The following ZNF536 variants were observed in gnomAD, a reference collection of about 807,000 sequenced individuals.
ZNF536 encodes zinc finger protein 536.
In ZNF536, 13 loss-of-function variants were observed where a neutral mutation model predicts 84.5. The observed-to-expected ratio is 0.15, with a 90% CI of 0.10 to 0.24. The LOEUF is 0.24. ZNF536 is among the 10% of genes least tolerant of loss of function. ZNF536 has a pLI of 1.00. For missense variants in ZNF536, 1,536 were observed against 1,747.5 expected (o/e 0.88, Z 2.16); for synonymous variants, 811 against 742.5 (o/e 1.09, Z -1.50).
chr19:30,445,420 C>T lies in ZNF536; in HGVS notation c.1858C>T (p.Leu620=), dbSNP rs2148223889. 4.3e-6 allele frequency: 7 copies of T among 1,614,172 alleles called. No homozygotes were observed. The highest frequency in any genetic ancestry group is 1.1e-5 in the South Asian group (1 of 91,084). Residue 620 remains leucine (L), a synonymous_variant, in exon 2 of 5, where the codon CTG becomes TTG. Transcript: ENST00000355537. This position sits in a 1 kb window ranked among gnomAD's most constrained non-coding sequence, Gnocchi z 4.5. ...GCTGAACCAGACTCTCGAGTATAAC[C>T]TGCAGGGTCCTGGGAACATGAAGGA... ...HGLNQTLEYN[L]QGPGNMKEKP...
intron 1 of ZNF536, among the ~76,000 whole-genome samples, chr19:30,652,394 G>T (rs552724085): frequency 1.8e-4 from 28 of 152,244 alleles, no homozygotes; most frequent in Admixed American, 1.0e-3. Context: ...AAATCTAATT[G>T]TATTTATGCT....
intron 1 of ZNF536, among the ~76,000 whole-genome samples, chr19:30,649,018 G>A (rs989996122): frequency 6.6e-6 from 1 of 152,122 alleles, no homozygotes; most frequent in African/African-American, 2.4e-5. Context: ...TCACTTCAGG[G>A]CGATGGGGTA....
At chr19:30,486,170 T>C (rs191190220) in intron 2 of ZNF536, among the ~76,000 whole-genome samples, 1 of 152,226 alleles carries the variant, frequency 6.6e-6, no homozygotes, top group Non-Finnish European at 1.5e-5. Context: ...ACATGTGCCA[T>C]GGTGCTTTGC....
intron 1 of ZNF536, among the ~76,000 whole-genome samples, chr19:30,386,498 C>T (rs143833543): frequency 6.6e-6 from 1 of 152,310 alleles, no homozygotes; most frequent in African/African-American, 2.4e-5. Context: ...CTACCTCAGC[C>T]TCTCAAGTAG....
intron 2 of ZNF536, among the ~76,000 whole-genome samples, chr19:30,458,376 G>T (rs1297738478): frequency 6.6e-6 from 1 of 151,238 alleles, no homozygotes; most frequent in Non-Finnish European, 1.5e-5. Context: ...GATTTTAAAG[G>T]GTCTTACCTG....
At chr19:30,576,428 G>T (rs73028815) in intron 1 of ZNF536, among the ~76,000 whole-genome samples, 32,477 of 152,122 alleles carry the variant, frequency 0.21, 4,299 homozygotes, top group Non-Finnish European at 0.29. Context: ...CCCCACCCCT[G>T]TCCTTGACAT....
At chr19:30,443,288 CATT>C (rs1439604815) in intron 1 of ZNF536, among the ~76,000 whole-genome samples, 2 of 152,146 alleles carry the variant, frequency 1.3e-5, no homozygotes, top group African/African-American at 4.8e-5. Flanking sequence ...AGTGGTAAAA[CATT>C]AATAATTTAA....
intron 1 of ZNF536, among the ~76,000 whole-genome samples, chr19:30,579,898 T>C (rs909802572): frequency 1.3e-5 from 2 of 152,266 alleles, no homozygotes; most frequent in African/African-American, 4.8e-5. Flanking sequence ...GAACCCATTC[T>C]TCCCACAAGG....
chr19:30,704,386 C>A (rs191257100), intron 1 of ZNF536, among the ~76,000 whole-genome samples: 64 of 152,234 alleles, frequency 4.2e-4, no homozygotes, highest in Non-Finnish European at 7.9e-4. Context: ...GTGGTTCACG[C>A]CAGTAATCCC....
chr19:30,376,035 C>T (rs8104408), intron 1 of ZNF536, among the ~76,000 whole-genome samples: 70,460 of 151,976 alleles, frequency 0.46, 18,754 homozygotes, highest in African/African-American at 0.73. Context: ...TGAGTGTGCG[C>T]GGGTGCCCAC....
intron 2 of ZNF536, among the ~76,000 whole-genome samples, chr19:30,315,940 C>T (rs2046663588): frequency 6.6e-6 from 1 of 152,126 alleles, no homozygotes; most frequent in African/African-American, 2.4e-5. Flanking sequence ...TAGATCAAAA[C>T]ATCAGATACA....
chr19:30,329,837 G>A (rs2047152573), intron 2 of ZNF536, among the ~76,000 whole-genome samples: 1 of 152,104 alleles, frequency 6.6e-6, no homozygotes, highest in South Asian at 2.1e-4. Flanking sequence ...GTCTACACTT[G>A]GTGGGGGGAT....
chr19:30,706,162 A>G (rs1183391009), intron 1 of ZNF536, among the ~76,000 whole-genome samples: 1 of 152,204 alleles, frequency 6.6e-6, no homozygotes, highest in Non-Finnish European at 1.5e-5. Context: ...ACGTGAAATT[A>G]TTACTCAGTA....
intron 1 of ZNF536, among the ~76,000 whole-genome samples, chr19:30,649,735 C>T (rs1312877103): frequency 2.0e-5 from 3 of 152,026 alleles, no homozygotes; most frequent in Admixed American, 6.5e-5. Flanking sequence ...ATCCTAACCC[C>T]TAGGACCTAG....
intron 1 of ZNF536, among the ~76,000 whole-genome samples, chr19:30,704,973 C>T (rs1376520209): frequency 1.3e-5 from 2 of 151,054 alleles, no homozygotes; most frequent in African/African-American, 2.4e-5. Flanking sequence ...TGACCCAAAG[C>T]CAACAGATCC....
At chr19:30,573,436 T>TGTAC (rs539887423) in intron 1 of ZNF536, among the ~76,000 whole-genome samples, 9 of 152,184 alleles carry the variant, frequency 5.9e-5, no homozygotes, top group Non-Finnish European at 8.8e-5. Context: ...GCTGACCAGT[T>TGTAC]GTACGGTAGG....
At chr19:30,441,341 G>A (rs1271138227) in intron 1 of ZNF536, among the ~76,000 whole-genome samples, 1 of 152,246 alleles carries the variant, frequency 6.6e-6, no homozygotes, top group African/African-American at 2.4e-5. Flanking sequence ...CTCAGAAGAG[G>A]AGCCAGTGCA....
rs2148184748 is a variant in ZNF536 at position 30,444,464 on chromosome 19, A to G, written c.902A>G (p.Lys301Arg). The G allele has an allele frequency of 5.0e-6, 8 of 1,610,666 alleles. No individual in the cohort carries two copies. Among genetic ancestry groups the G allele is most frequent in the Non-Finnish European group, 6.8e-6 (8 of 1,179,912 alleles). Residue 301 changes from lysine (K) to arginine (R), a missense_variant, in exon 2 of 5, where the codon AAG becomes AGG. By Grantham distance (26) the Lys-to-Arg change is conservative. Around this residue, in one of 8 missense-constraint regions of ZNF536, gnomAD observed 61 missense variants for 104.0 expected, o/e 0.59. Coordinates refer to ENST00000355537, the MANE Select transcript of ZNF536 (RefSeq NM_014717.3). ...ATCCGCATCTTGCACAAGCCCTACA[A>G]GTGCACGTTGTGCGACTTCGCGGCT... Reference protein sequence around the residue: ...RHIRILHKPYKCTLCDFAASQ... With the variant: ...RHIRILHKPYRCTLCDFAASQ...
chr19:30,502,127 G>T (rs544353380), intron 2 of ZNF536, among the ~76,000 whole-genome samples: 1 of 152,316 alleles, frequency 6.6e-6, no homozygotes, highest in African/African-American at 2.4e-5. Context: ...CGACCCATCT[G>T]GTCAAATGCC....
Sources: gnomAD v4.1 joint callset for allele counts (sites outside exome capture counted in the v4.1 genomes callset) on GRCh38, gnomAD v4.1.1 for gene constraint, gnomAD v4.1.1 regional missense constraint, Gnocchi (gnomAD v3.1) non-coding constraint, MANE v1.5 for transcripts, NCBI Gene and HGNC (gene_info 2026-07-23, HGNC 2026-07-21) for gene names.